HS3ST2: variants seen among roughly 807,000 people sequenced by gnomAD.
HS3ST2 encodes the protein heparan sulfate-glucosamine 3-sulfotransferase 2.
In HS3ST2, 17 loss-of-function variants were observed where a neutral mutation model predicts 26.3. The observed-to-expected ratio is 0.65, with a 90% CI of 0.44 to 0.97. The LOEUF (loss-of-function observed/expected upper bound fraction) is 0.97, where lower values mean the gene tolerates loss of function less well. Ranked by LOEUF, HS3ST2 falls within the 50% of genes least tolerant of loss-of-function variation. The probability of loss-of-function intolerance (pLI) is 0.00; values close to 1 mark genes in which losing one functional copy is unlikely to be tolerated. For synonymous variants in HS3ST2, 237 were observed against 219.2 expected (o/e 1.08, Z -0.72); for missense variants, 402 against 501.2 (o/e 0.80, Z 1.89).
intron 1 of HS3ST2, among the ~76,000 whole-genome samples, chr16:22,913,136 A>AAGGAAGGG: frequency 1.0e-5 from 1 of 98,334 alleles, no homozygotes; most frequent in South Asian, 4.3e-4. Context: ...GGAAGGAAGG[A>AAGGAAGGG]AGGAAGGAAG....
At chr16:22,850,823 C>CACA (rs890886853) in intron 1 of HS3ST2, among the ~76,000 whole-genome samples, 1 of 152,066 alleles carries the variant, frequency 6.6e-6, no homozygotes, top group Non-Finnish European at 1.5e-5. Context: ...ACACCAAAAA[C>CACA]ACAACAACAA....
chr16:22,843,419 G>A lies in HS3ST2; in HGVS notation c.485+28324G>A, dbSNP rs537807695. On this transcript the variant is annotated intron_variant, in intron 1 of 1. Coordinates refer to ENST00000261374, the MANE Select transcript of HS3ST2 (RefSeq NM_006043.2). ...TCCTGCCCGCTAGTTGCAAATTTGG[G>A]CCTCCAGAACTTCTGACTGATTGGC... is the stretch of plus-strand genomic sequence containing the variant. Among the ~76,000 whole-genome samples, 4 of 152,272 alleles carry A rather than the reference G, an allele frequency of 2.6e-5. No individual in the cohort carries two copies. The South Asian group carries it at 8.3e-4, about 32-fold the overall frequency.
At chr16:22,819,999 C>G (rs1567478936) in intron 1 of HS3ST2, among the ~76,000 whole-genome samples, 1 of 152,256 alleles carries the variant, frequency 6.6e-6, no homozygotes, top group Non-Finnish European at 1.5e-5. Context: ...ACAGACTGAT[C>G]TGTGCTCATT....
intron 1 of HS3ST2, among the ~76,000 whole-genome samples, chr16:22,821,629 A>C (rs1321134085): frequency 1.3e-5 from 2 of 152,054 alleles, no homozygotes; most frequent in African/African-American, 4.8e-5. Flanking sequence ...TGCTGGAGCT[A>C]ACTCCGGTGC....
intron 1 of HS3ST2, among the ~76,000 whole-genome samples, chr16:22,913,253 G>T (rs115482430): frequency 6.6e-6 from 1 of 151,222 alleles, no homozygotes; most frequent in South Asian, 2.1e-4. Flanking sequence ...TGCACGTAAG[G>T]GTCAACTATG....
In HS3ST2 at chr16:22,856,884, G is replaced by C. The variant is rs538083686; in HGVS notation, c.485+41789G>C. ...GTGCAGAGCTGAGTCATTTCTGAAG[G>C]CTTTTCCACGCTCAGATCTGATGAC... is the stretch of plus-strand genomic sequence containing the variant. On this transcript the variant is annotated intron_variant, in intron 1 of 1. Transcript: ENST00000261374. 1.3e-4 allele frequency among the ~76,000 whole-genome samples: 20 copies of C among 152,232 alleles called. No homozygotes were observed. In the East Asian group the frequency reaches 1.3e-3, roughly 10 times the overall value.
chr16:22,848,886 G>T (rs1331026635), intron 1 of HS3ST2, among the ~76,000 whole-genome samples: 1 of 152,174 alleles, frequency 6.6e-6, no homozygotes, highest in Non-Finnish European at 1.5e-5. Context: ...TAGATTGTTT[G>T]CATTCATCTT....
At chr16:22,886,454 G>A (rs934572279) in intron 1 of HS3ST2, among the ~76,000 whole-genome samples, 1 of 152,138 alleles carries the variant, frequency 6.6e-6, no homozygotes. Context: ...GGATGCTGCC[G>A]GCCTCACGGA....
intron 1 of HS3ST2, among the ~76,000 whole-genome samples, chr16:22,871,954 G>A (rs1034019335): frequency 6.6e-6 from 1 of 152,212 alleles, no homozygotes; most frequent in Non-Finnish European, 1.5e-5. Context: ...GAAGTGACCA[G>A]GCGTACATAC....
intron 1 of HS3ST2, among the ~76,000 whole-genome samples, chr16:22,822,964 C>T (rs1351377196): frequency 6.6e-6 from 1 of 152,158 alleles, no homozygotes; most frequent in East Asian, 1.9e-4. Flanking sequence ...CCTCGTCTTT[C>T]AGCCAAGAAG....
intron 1 of HS3ST2, among the ~76,000 whole-genome samples, chr16:22,860,387 G>A (rs553256030): frequency 3.9e-5 from 6 of 152,192 alleles, no homozygotes; most frequent in African/African-American, 1.4e-4. Flanking sequence ...ACCTCCCACT[G>A]GGTCCCTCCC....
chr16:22,858,041 C>G (rs1289283951), intron 1 of HS3ST2, among the ~76,000 whole-genome samples: 1 of 151,832 alleles, frequency 6.6e-6, no homozygotes, highest in Non-Finnish European at 1.5e-5. Flanking sequence ...CGTGCTAGAC[C>G]CCAAAGGTAA....
intron 1 of HS3ST2, among the ~76,000 whole-genome samples, chr16:22,887,883 C>A (rs1259308063): frequency 2.6e-5 from 4 of 152,052 alleles, no homozygotes; most frequent in African/African-American, 9.7e-5. Flanking sequence ...TCTAGGAGTT[C>A]AAGGCTGCAG....
At chr16:22,910,581 A>G (rs1416140763) in intron 1 of HS3ST2, among the ~76,000 whole-genome samples, 1 of 152,162 alleles carries the variant, frequency 6.6e-6, no homozygotes, top group African/African-American at 2.4e-5. Flanking sequence ...TTTTTTAATT[A>G]GTTCTACTCA....
At chr16:22,835,484 C>A (rs1039857387) in intron 1 of HS3ST2, among the ~76,000 whole-genome samples, 1 of 152,084 alleles carries the variant, frequency 6.6e-6, no homozygotes, top group East Asian at 1.9e-4. Flanking sequence ...AACAATAACA[C>A]GTCTACATAG....
In HS3ST2 at chr16:22,814,650, C is replaced by T. The variant is rs1044608579; in HGVS notation, c.40C>T (p.Pro14Ser). ...CCTGGGCCGCGCGGGGCCACCTCAG[C>T]CGCGGAGGGCGCGCAGGCTGCTCTT... is the stretch of plus-strand genomic sequence containing the variant. ...RVLGRAGPPQ[P>S]RRARRLLFAF... Residue 14 changes from proline (P) to serine (S), a missense_variant, in exon 1 of 2, where the codon CCG (proline) becomes TCG (serine). By Grantham distance (74) the Pro-to-Ser change is moderately conservative (BLOSUM62 -1). This residue lies in a region of HS3ST2 where 165 missense variants were observed against 154.6 expected (regional missense o/e 1.07). Transcript: ENST00000261374. The T allele has an allele frequency of 1.9e-6, 3 of 1,560,376 alleles. No individual in the cohort carries two copies. In the Admixed American group the frequency reaches 5.7e-5, roughly 30 times the overall value.
At chr16:22,882,182 A>G (rs1308042374) in intron 1 of HS3ST2, among the ~76,000 whole-genome samples, 2 of 152,136 alleles carry the variant, frequency 1.3e-5, no homozygotes, top group Non-Finnish European at 2.9e-5. Flanking sequence ...CAACATGGTG[A>G]GACCTCATCT....
intron 1 of HS3ST2, among the ~76,000 whole-genome samples, chr16:22,829,383 G>A (rs169660): frequency 0.39 from 59,343 of 151,970 alleles, 11,886 homozygotes; most frequent in African/African-American, 0.47. Context: ...TCCCATTTAG[G>A]TAGGGTATTG....
chr16:22,908,359 C>T (rs1183830910), intron 1 of HS3ST2, among the ~76,000 whole-genome samples: 1 of 152,148 alleles, frequency 6.6e-6, no homozygotes, highest in Admixed American at 6.6e-5. Context: ...TACACCCTGC[C>T]CTGCCCTCAT....
Sources: gnomAD v4.1 joint callset for allele counts (sites outside exome capture counted in the v4.1 genomes callset) on GRCh38, gnomAD v4.1.1 for gene constraint, gnomAD v4.1.1 regional missense constraint, MANE v1.5 for transcripts, NCBI Gene and HGNC (gene_info 2026-07-23, HGNC 2026-07-21) for gene names.